Variants in TLE2 observed in about 807,000 individuals in gnomAD.
The protein encoded by TLE2 is transducin-like enhancer protein 2.
TLE2 carries 74 observed loss-of-function variants against 97.2 expected under a neutral mutation model. That is an observed-to-expected ratio of 0.76 (90% CI 0.63 to 0.92). The LOEUF is 0.92. TLE2 is among the 40% of genes least tolerant of loss of function. The pLI, the probability that TLE2 is intolerant of heterozygous loss-of-function variation, is 0.00. For synonymous variants in TLE2, 499 were observed against 432.1 expected, an observed-to-expected ratio of 1.15 and a Z score of -1.92; for missense variants, 1,038 against 1,008.7, an observed-to-expected ratio of 1.03 and a Z score of -0.39.
In TLE2 at chr19:3,013,687, T is replaced by C. The variant is rs755091801; in HGVS notation, c.855A>G (p.Arg285=). The change falls in exon 11 of 20, where the codon AGA becomes AGG. Residue 285 remains arginine, a synonymous_variant. Coordinates refer to ENST00000262953, the MANE Select transcript of TLE2 (RefSeq NM_003260.5). ...LASSLGSPLP[R]AKELILNDLP... is the part of the protein sequence containing the mutation. The stretch of plus-strand genomic sequence containing the variant: ...TCCTTACCAGGATGAGCTCCTTGGC[T>C]CTAGGCAGCGGTGAGCCAAGGCTAG... The C allele has an allele frequency of 2.1e-6, 3 of 1,443,022 alleles. No individual in the cohort carries two copies. Among genetic ancestry groups the C allele is most frequent in the Non-Finnish European group, 2.7e-6 (3 of 1,093,894 alleles). The allele number at this position is 1,443,022 out of a possible 1,614,324, so 89.4% of individuals were successfully genotyped here. A position where few individuals can be genotyped will look rare whatever the true frequency, so the allele number is the denominator to read the frequency against.
upstream of TLE2, among the ~76,000 whole-genome samples, chr19:3,046,213 G>C (rs2090139946): frequency 6.6e-6 from 1 of 152,214 alleles, no homozygotes; most frequent in Non-Finnish European, 1.5e-5. Context: ...CATGGGAAGA[G>C]AGCGGGATCA....
chr19:3,017,932 G>A, intron 7 of TLE2, 73 bp from the exon 8 acceptor site: 1 of 1,458,000 alleles, frequency 6.9e-7, no homozygotes, highest in Non-Finnish European at 9.5e-7. Context: ...GCGCCAGAGG[G>A]TACAGCCCTC....
intron 1 of TLE2, among the ~76,000 whole-genome samples, chr19:3,041,505 C>A (rs1198255744): frequency 6.6e-6 from 1 of 152,154 alleles, no homozygotes; most frequent in Non-Finnish European, 1.5e-5. Flanking sequence ...TGGGCTCTTG[C>A]TGTCAAACCC....
chr19:3,010,375 GA>G (rs57044039), intron 12 of TLE2, among the ~76,000 whole-genome samples: 31,387 of 141,786 alleles, frequency 0.22, 3,392 homozygotes, highest in Admixed American at 0.26. Flanking sequence ...AAAAAAAAAG[GA>G]AAAAAAAAAA....
intron 8 of TLE2, 41 bp from the exon 9 acceptor site, chr19:3,015,801 C>T: frequency 6.9e-7 from 1 of 1,452,776 alleles, no homozygotes; most frequent in Non-Finnish European, 9.5e-7. Context: ...GGGTCAGGGC[C>T]CTGGGCTCCT....
At chr19:2,998,292 T>TGTG (rs1568227455) in intron 19 of TLE2, among the ~76,000 whole-genome samples, 1 of 148,228 alleles carries the variant, frequency 6.7e-6, no homozygotes, top group African/African-American at 2.5e-5. Context: ...TTTTTTTTTT[T>TGTG]TGTGAGACAG....
chr19:3,043,364 CT>C (rs71337196), intron 1 of TLE2, among the ~76,000 whole-genome samples: 3,320 of 108,900 alleles, frequency 0.03, 56 homozygotes, highest in African/African-American at 0.12. Flanking sequence ...CCTTCTGCAG[CT>C]TTTTTTTTTT....
At chr19:3,040,784 GCAC>G (rs2145232311) in intron 1 of TLE2, among the ~76,000 whole-genome samples, 1 of 151,758 alleles carries the variant, frequency 6.6e-6, no homozygotes, top group South Asian at 2.1e-4. Context: ...CCACAATCGT[GCAC>G]CACCACGCCT....
At chr19:3,003,218 G>GGAGGAGGGAGA (rs1319273227) in intron 17 of TLE2, among the ~76,000 whole-genome samples, 3 of 152,186 alleles carry the variant, frequency 2.0e-5, no homozygotes, top group Non-Finnish European at 2.9e-5. Context: ...AACAGCACAG[G>GGAGGAGGGAGA]GAGGAGGGAG....
intron 8 of TLE2, among the ~76,000 whole-genome samples, chr19:3,017,597 T>C (rs1331889047): frequency 6.6e-6 from 1 of 151,568 alleles, no homozygotes; most frequent in East Asian, 1.9e-4. Flanking sequence ...ACAACAGGCA[T>C]GGACCACCAC....
chr19:3,026,628 T>C (rs2089949815), intron 4 of TLE2, among the ~76,000 whole-genome samples: 1 of 147,440 alleles, frequency 6.8e-6, no homozygotes, highest in Non-Finnish European at 1.5e-5. Context: ...CTGAGGTCTA[T>C]CTCTGAACCC....
At position 3,013,536 on chromosome 19, in the gene TLE2, A is replaced by C. The variant is rs1221491533; in HGVS notation, c.873+133T>G. The C allele has an allele frequency of 1.2e-5, 11 of 885,916 alleles. No individual in the cohort carries two copies. In the South Asian group the frequency reaches 5.9e-4, roughly 48 times the overall value. 54.9% of individuals were successfully genotyped at this position (885,916 alleles called of 1,614,324 possible). On this transcript the variant is annotated intron_variant, in intron 11 of 19. Transcript: ENST00000262953. ...AAGCAGGAGGTTTAAAAAAAAAAGCACAGGGAAAGGGTGGACAATGCCAGC... is the reference window on the plus strand; with the variant it reads ...AAGCAGGAGGTTTAAAAAAAAAAGCCCAGGGAAAGGGTGGACAATGCCAGC...
chr19:3,000,162 C>A (rs1194939312), intron 19 of TLE2, among the ~76,000 whole-genome samples: 1 of 151,652 alleles, frequency 6.6e-6, no homozygotes. Flanking sequence ...AGCTCCACCT[C>A]CTGGGTTCAT....
At chr19:3,023,145 C>T (rs953155) in intron 5 of TLE2, among the ~76,000 whole-genome samples, 3,181 of 151,970 alleles carry the variant, frequency 0.021, 118 homozygotes, top group African/African-American at 0.073. Flanking sequence ...ACCTCCACCC[C>T]CCGGGTTCAA....
chr19:3,040,238 C>T (rs2090090195), intron 1 of TLE2, among the ~76,000 whole-genome samples: 1 of 152,210 alleles, frequency 6.6e-6, no homozygotes, highest in Non-Finnish European at 1.5e-5. Flanking sequence ...GAGCTCATTG[C>T]TGGGCCCCAA....
chr19:3,033,206 C>T (rs561550002), upstream of TLE2, among the ~76,000 whole-genome samples: 36 of 151,876 alleles, frequency 2.4e-4, 1 homozygote, highest in South Asian at 2.1e-4. Flanking sequence ...CTCACTCTGT[C>T]GCCCAGGCTG....
chr19:3,044,773 C>A (rs1215232209), intron 1 of TLE2, among the ~76,000 whole-genome samples: 1 of 152,190 alleles, frequency 6.6e-6, no homozygotes, highest in South Asian at 2.1e-4. Context: ...TACTGTGTGC[C>A]AGGCATGATT....
rs895488435 is a variant in TLE2, at chr19:3,038,935, T to A, written c.63+6791A>T. The stretch of plus-strand genomic sequence containing the variant: ...GCGCATGCCTGTAATCCCAGCTACT[T>A]GGGAGGCTGAGGCAGGAGAATCGCT... On this transcript the variant is annotated intron_variant, in intron 1 of 18. Coordinates refer to the TLE2 transcript ENST00000426948. Among the ~76,000 whole-genome samples the A allele has an allele frequency of 4.0e-5, 6 of 151,648 alleles. No individual in the cohort carries two copies. In the South Asian group the frequency reaches 1.3e-3, roughly 32 times the overall value.
At chr19:3,002,255 ATAACATTATTT>A in intron 18 of TLE2, 87 bp downstream of exon 18, 2 of 1,400,730 alleles carry the variant, frequency 1.4e-6, no homozygotes, top group Non-Finnish European at 1.9e-6. Context: ...TAGTATATAA[ATAACATTATTT>A]GTTATTTATC....
Sources: gnomAD v4.1 joint callset for allele counts (sites outside exome capture counted in the v4.1 genomes callset) on GRCh38, gnomAD v4.1.1 for gene constraint, MANE v1.5 for transcripts, NCBI Gene and HGNC (gene_info 2026-07-23, HGNC 2026-07-21) for gene names.